Variants in PDE3A observed in about 807,000 individuals in gnomAD.
PDE3A encodes the protein phosphodiesterase 3A.
Under a neutral mutation model 98.3 loss-of-function variants are expected in PDE3A, and 43 were observed. That is an observed-to-expected ratio of 0.44 (90% CI 0.34 to 0.56). The LOEUF (loss-of-function observed/expected upper bound fraction) is 0.56, where lower values mean the gene tolerates loss of function less well. Ranked by LOEUF, PDE3A falls within the 20% of genes least tolerant of loss-of-function variation. PDE3A has a pLI of 0.01. For missense variants in PDE3A, 1,427 were observed against 1,440.7 expected (o/e 0.99, Z 0.15); for synonymous variants, 663 against 567.9 (o/e 1.17, Z -2.38).
chr12:20,666,754 C>A (rs1592164052), intron 15 of PDE3A, among the ~76,000 whole-genome samples: 2 of 152,138 alleles, frequency 1.3e-5, no homozygotes, highest in Non-Finnish European at 2.9e-5. Context: ...GTGCAATTAT[C>A]TTTTTAATAT....
intron 1 of PDE3A, among the ~76,000 whole-genome samples, chr12:20,393,618 T>C (rs1591880545): frequency 6.6e-6 from 1 of 151,964 alleles, no homozygotes; most frequent in Non-Finnish European, 1.5e-5. Context: ...CCCCAAACTA[T>C]GTACAACTCT....
intron 1 of PDE3A, among the ~76,000 whole-genome samples, chr12:20,482,143 G>T (rs1945642005): frequency 6.6e-6 from 1 of 151,812 alleles, no homozygotes; most frequent in African/African-American, 2.4e-5. Context: ...TCTCCCTGTT[G>T]TTTTGACTCG....
chr12:20,553,750 G>A (rs1374324232), intron 1 of PDE3A, among the ~76,000 whole-genome samples: 1 of 152,354 alleles, frequency 6.6e-6, no homozygotes, highest in East Asian at 1.9e-4. Context: ...AGGCGGCCAC[G>A]GACGGACGCC....
At chr12:20,551,690 G>A in intron 1 of PDE3A, 1 of 1,611,624 alleles carries the variant, frequency 6.2e-7, no homozygotes. Flanking sequence ...AGTGTTCCCA[G>A]CGAGGACGAG....
intron 15 of PDE3A, among the ~76,000 whole-genome samples, chr12:20,673,279 G>C (rs1945540425): frequency 1.3e-5 from 2 of 151,218 alleles, no homozygotes; most frequent in Non-Finnish European, 3.0e-5. Context: ...AACCATTGTG[G>C]AAGTCAGTGT....
At chr12:20,651,394 T>A (rs1944911910) in intron 14 of PDE3A, among the ~76,000 whole-genome samples, 1 of 152,170 alleles carries the variant, frequency 6.6e-6, no homozygotes, top group Non-Finnish European at 1.5e-5. Context: ...TATTTACTCT[T>A]GGGGAAATAT....
chr12:20,640,448 G>C (rs913375532), intron 10 of PDE3A, among the ~76,000 whole-genome samples: 1 of 152,088 alleles, frequency 6.6e-6, no homozygotes, highest in African/African-American at 2.4e-5. Flanking sequence ...CTCCACGTAA[G>C]ATAAAGTTGG....
At chr12:20,529,231 C>G (rs1238671368) in intron 1 of PDE3A, among the ~76,000 whole-genome samples, 1 of 152,110 alleles carries the variant, frequency 6.6e-6, no homozygotes, top group Non-Finnish European at 1.5e-5. Flanking sequence ...CAAGTTCTTT[C>G]ATTCAGCAAG....
At position 20,556,683 on chromosome 12, in the gene PDE3A, C is replaced by T. The variant is rs745600228; in HGVS notation, c.984C>T (p.Asp328=). 1.2e-6 allele frequency: 2 copies of T among 1,608,740 alleles called. No homozygotes were observed. The highest frequency in any genetic ancestry group is 4.5e-5 in the East Asian group (2 of 44,812). ...REQLMGHSEW[D]HKRGPRGSQS... ...AGCTCATGGGGCATTCAGAATGGGA[C>T]CACAAACGAGGGCCAAGAGGATCAC... is the stretch of plus-strand genomic sequence containing the variant. Residue 328 remains aspartate, a synonymous_variant, in exon 2 of 16, where the codon GAC becomes GAT. Coordinates refer to ENST00000359062, the MANE Select transcript of PDE3A (RefSeq NM_000921.5).
chr12:20,597,116 A>G (rs529203023), intron 2 of PDE3A, among the ~76,000 whole-genome samples: 70 of 152,310 alleles, frequency 4.6e-4, no homozygotes, highest in African/African-American at 1.7e-3. Context: ...TTACAATGTC[A>G]TTGTTTAGAT....
At chr12:20,497,243 A>G (rs981775408) in intron 1 of PDE3A, among the ~76,000 whole-genome samples, 3 of 152,136 alleles carry the variant, frequency 2.0e-5, no homozygotes, top group Non-Finnish European at 4.4e-5. Flanking sequence ...ATAGTTGTCA[A>G]TCCCAGAAAC....
At chr12:20,409,959 A>G (rs890267604) in intron 1 of PDE3A, among the ~76,000 whole-genome samples, 6 of 152,200 alleles carry the variant, frequency 3.9e-5, no homozygotes, top group Admixed American at 3.3e-4. Context: ...AATGTTTTAA[A>G]ATAAAATATT....
At position 20,684,046 on chromosome 12, in the gene PDE3A, A is replaced by G. The variant is rs994739447; in HGVS notation, c.*3775A>G. ...ATGGAAAAATATAAATTATTTTCTAAGTAATAAAAGTATAAAAATTATCAT... is the reference window on the plus strand; with the variant it reads ...ATGGAAAAATATAAATTATTTTCTAGGTAATAAAAGTATAAAAATTATCAT... On this transcript the variant is annotated 3_prime_UTR_variant, in exon 16 of 16. Transcript: ENST00000359062. 1.3e-5 allele frequency: 2 copies of G among 152,172 alleles called. No homozygotes were observed. The highest frequency in any genetic ancestry group is 4.8e-5 in the African/African-American group (2 of 41,458). 9.4% of individuals were successfully genotyped at this position (152,172 alleles called of 1,614,324 possible). A position where few individuals can be genotyped will look rare whatever the true frequency, so the allele number is the denominator to read the frequency against.
chr12:20,372,094 G>A (rs892449581), intron 1 of PDE3A, among the ~76,000 whole-genome samples: 1 of 152,104 alleles, frequency 6.6e-6, no homozygotes, highest in Non-Finnish European at 1.5e-5. Flanking sequence ...AAGGTGGTTA[G>A]GTAAATTAAC....
intron 1 of PDE3A, among the ~76,000 whole-genome samples, chr12:20,395,520 G>T (rs1027939739): frequency 2.8e-5 from 4 of 144,006 alleles, no homozygotes; most frequent in Non-Finnish European, 4.5e-5. Context: ...TGTATACTAT[G>T]TGTACACATA....
chr12:20,583,532 G>A (rs1943120544), intron 2 of PDE3A, among the ~76,000 whole-genome samples: 1 of 152,088 alleles, frequency 6.6e-6, no homozygotes, highest in South Asian at 2.1e-4. Context: ...GAGCACAACA[G>A]GCTGTAGAGT....
At chr12:20,449,797 A>T in intron 1 of PDE3A, 1 of 519,060 alleles carries the variant, frequency 1.9e-6, no homozygotes, top group Non-Finnish European at 3.5e-6. Flanking sequence ...TTACTTGGTC[A>T]GTTTTGGTTG....
intron 6 of PDE3A, among the ~76,000 whole-genome samples, chr12:20,630,830 T>C (rs1047891418): frequency 2.6e-5 from 4 of 152,180 alleles, no homozygotes; most frequent in Non-Finnish European, 5.9e-5. Flanking sequence ...CATTATGGTA[T>C]TTTTTAAGTA....
chr12:20,446,502 G>T (rs1399981261), intron 1 of PDE3A, among the ~76,000 whole-genome samples: 1 of 152,186 alleles, frequency 6.6e-6, no homozygotes, highest in African/African-American at 2.4e-5. Context: ...GAACAAGGTT[G>T]GTGAGTAGTG....
Sources: gnomAD v4.1 joint callset for allele counts (sites outside exome capture counted in the v4.1 genomes callset) on GRCh38, gnomAD v4.1.1 for gene constraint, MANE v1.5 for transcripts, NCBI Gene and HGNC (gene_info 2026-07-23, HGNC 2026-07-21) for gene names.